Variants in AGBL4 observed in about 807,000 individuals in gnomAD.
AGBL4 encodes AGBL carboxypeptidase 4.
A neutral mutation model predicts 66.4 loss-of-function variants in AGBL4; 58 were observed. The ratio of observed to expected loss-of-function variants is 0.87; its 90% CI spans 0.71 to 1.09. The LOEUF is 1.09. Ranked by LOEUF, AGBL4 falls within the 50% of genes least tolerant of loss-of-function variation. The pLI is 0.00. For synonymous variants in AGBL4, 234 were observed against 222.9 expected (o/e 1.05, Z -0.44); for missense variants, 579 against 631.0 (o/e 0.92, Z 0.88).
rs184469497 is a variant in AGBL4 at position 49,149,791 on chromosome 1, C to A, written c.377+95979G>T. On this transcript the variant is annotated intron_variant, in intron 4 of 13. Coordinates refer to ENST00000371839, the MANE Select transcript of AGBL4 (RefSeq NM_032785.4). ...CAAGAAGACCTATATTGTTTCATTA[C>A]AAATATGCCCCAAAAAGCCATGCAT... Among the ~76,000 whole-genome samples the A allele has an allele frequency of 2.4e-4, 37 of 152,234 alleles. No individual in the cohort carries two copies. In the East Asian group the frequency reaches 5.0e-3, roughly 21 times the overall value.
intron 5 of AGBL4, among the ~76,000 whole-genome samples, chr1:48,975,111 C>T (rs762014964): frequency 1.3e-5 from 2 of 152,012 alleles, no homozygotes; most frequent in African/African-American, 2.4e-5. Context: ...ATCCAGAAGC[C>T]TATCATTTCA....
chr1:49,460,093 T>C (rs145901226), intron 3 of AGBL4, among the ~76,000 whole-genome samples: 1 of 151,840 alleles, frequency 6.6e-6, no homozygotes, highest in East Asian at 1.9e-4. Context: ...ATTCTGCACT[T>C]GTTAGGTAGA....
intron 7 of AGBL4, 42 bp from the exon 8 acceptor site, chr1:48,653,493 A>C: frequency 7.9e-6 from 11 of 1,399,152 alleles, no homozygotes; most frequent in Non-Finnish European, 1.1e-5. Flanking sequence ...AAAGCATTTC[A>C]AGAAGAAGGA....
At chr1:48,707,320 A>C (rs1357977305) in intron 6 of AGBL4, among the ~76,000 whole-genome samples, 1 of 152,024 alleles carries the variant, frequency 6.6e-6, no homozygotes, top group Non-Finnish European at 1.5e-5. Context: ...ACAACAACAA[A>C]AACAGAAAAG....
rs749625134 is a variant in AGBL4, at chr1:49,045,556, A to G, written c.594+28T>C. ...TCCCAAGTTTGCCTGTTTCCAAATG[A>G]GTAACCCAAACCTGGCACAGGCCTT... On this transcript the variant is annotated intron_variant, in intron 5 of 13. Coordinates refer to ENST00000371839, the MANE Select transcript of AGBL4 (RefSeq NM_032785.4). 1.9e-6 allele frequency: 3 copies of G among 1,591,712 alleles called. No homozygotes were observed. The South Asian group carries it at 3.4e-5, about 18-fold the overall frequency.
chr1:49,250,446 T>C (rs926215382), intron 3 of AGBL4, among the ~76,000 whole-genome samples: 9 of 148,818 alleles, frequency 6.0e-5, no homozygotes, highest in African/African-American at 2.2e-4. Context: ...ACTAATTTTT[T>C]TTTTTTTTTT....
At chr1:49,631,757 G>A (rs1334037876) in intron 3 of AGBL4, among the ~76,000 whole-genome samples, 1 of 152,160 alleles carries the variant, frequency 6.6e-6, no homozygotes, top group Non-Finnish European at 1.5e-5. Context: ...AATGGATGGA[G>A]GAAGAAAGAA....
intron 6 of AGBL4, among the ~76,000 whole-genome samples, chr1:48,669,035 T>G (rs1362458274): frequency 6.6e-6 from 1 of 152,138 alleles, no homozygotes; most frequent in Non-Finnish European, 1.5e-5. Context: ...TGAGGGACAC[T>G]GAGGAGGACC....
chr1:49,411,573 G>A (rs1187735054), intron 3 of AGBL4, among the ~76,000 whole-genome samples: 1 of 152,114 alleles, frequency 6.6e-6, no homozygotes, highest in African/African-American at 2.4e-5. Context: ...TGTATAAAAA[G>A]CAGAAGTAAA....
intron 3 of AGBL4, among the ~76,000 whole-genome samples, chr1:49,693,859 C>A (rs1646934043): frequency 6.6e-6 from 1 of 152,068 alleles, no homozygotes; most frequent in Non-Finnish European, 1.5e-5. Context: ...TAATACATTT[C>A]CACTAAGAAT....
At chr1:48,727,872 G>A in intron 6 of AGBL4, 1 of 1,598,624 alleles carries the variant, frequency 6.3e-7, no homozygotes, top group Non-Finnish European at 8.6e-7. Flanking sequence ...AAAGCTTTAT[G>A]AAAAATCCAA....
chr1:49,254,543 T>C (rs1369297697), intron 3 of AGBL4, among the ~76,000 whole-genome samples: 1 of 152,220 alleles, frequency 6.6e-6, no homozygotes, highest in Non-Finnish European at 1.5e-5. Flanking sequence ...AAACATTCCA[T>C]GTTCATGGAT....
At chr1:48,632,312 G>A (rs950825383) in intron 9 of AGBL4, among the ~76,000 whole-genome samples, 1 of 152,236 alleles carries the variant, frequency 6.6e-6, no homozygotes, top group Non-Finnish European at 1.5e-5. Context: ...ATGTATTCAT[G>A]ACGCAAATCA....
chr1:49,586,182 T>C (rs182467368), intron 3 of AGBL4, among the ~76,000 whole-genome samples: 1 of 152,270 alleles, frequency 6.6e-6, no homozygotes, highest in Admixed American at 6.5e-5. Flanking sequence ...GTGTTAGGCA[T>C]TGCTATCCCC....
intron 1 of AGBL4, among the ~76,000 whole-genome samples, chr1:49,940,108 T>C (rs1485979319): frequency 1.3e-5 from 2 of 152,136 alleles, no homozygotes; most frequent in African/African-American, 4.8e-5. Flanking sequence ...AAAATGCTCA[T>C]CATCACTGGC....
intron 4 of AGBL4, among the ~76,000 whole-genome samples, chr1:49,144,056 C>A (rs1053836877): frequency 6.6e-6 from 1 of 152,152 alleles, no homozygotes; most frequent in African/African-American, 2.4e-5. Context: ...GTTTTCCTAT[C>A]TGTAAGGTAT....
At chr1:49,338,608 A>G (rs895718763) in intron 3 of AGBL4, among the ~76,000 whole-genome samples, 1 of 152,218 alleles carries the variant, frequency 6.6e-6, no homozygotes, top group South Asian at 2.1e-4. Flanking sequence ...AGGAGAGTAG[A>G]GAGGCTGGTC....
intron 6 of AGBL4, among the ~76,000 whole-genome samples, chr1:48,708,638 T>C (rs1646916867): frequency 6.6e-6 from 1 of 152,200 alleles, no homozygotes. Flanking sequence ...AGCCTTGTTT[T>C]CAAGGGATTA....
chr1:49,629,353 TA>T (rs1470919709), intron 3 of AGBL4, among the ~76,000 whole-genome samples: 2 of 152,238 alleles, frequency 1.3e-5, no homozygotes, highest in East Asian at 3.8e-4. Flanking sequence ...GATATGATTT[TA>T]TTTTTTATTT....
Sources: gnomAD v4.1 joint callset for allele counts (sites outside exome capture counted in the v4.1 genomes callset) on GRCh38, gnomAD v4.1.1 for gene constraint, MANE v1.5 for transcripts, NCBI Gene and HGNC (gene_info 2026-07-23, HGNC 2026-07-21) for gene names.